OSBPL5: variants seen among roughly 807,000 people sequenced by gnomAD.
OSBPL5 encodes the protein oxysterol-binding protein-related protein 5.
Under a neutral mutation model 111.2 loss-of-function variants are expected in OSBPL5, and 71 were observed. That is an observed-to-expected ratio of 0.64 (90% confidence interval 0.53 to 0.78). OSBPL5 has a LOEUF of 0.78. Ranked by LOEUF, OSBPL5 falls within the 30% of genes least tolerant of loss-of-function variation. The pLI, the probability that OSBPL5 is intolerant of heterozygous loss-of-function variation, is 0.00. For missense variants in OSBPL5, 1,210 were observed against 1,189.3 expected (o/e 1.02, Z -0.26); for synonymous variants, 549 against 513.9 (o/e 1.07, Z -0.93).
At chr11:3,096,616 C>A (rs77753180) in intron 14 of OSBPL5, among the ~76,000 whole-genome samples, 153 of 136,494 alleles carry the variant, frequency 1.1e-3, no homozygotes, top group Middle Eastern at 3.6e-3. Flanking sequence ...AAGACTCTGT[C>A]AAAAAAAAAA....
Position 3,141,600 on chromosome 11 carries a change from G to T in OSBPL5, c.-21-12431C>A, listed in dbSNP as rs542709543. Among the ~76,000 whole-genome samples the T allele has an allele frequency of 2.8e-4, 43 of 152,334 alleles. No individual in the cohort carries two copies. The East Asian group carries it at 7.9e-3, about 28-fold the overall frequency. ...AGTTGCGCAGAGAGGACAGGGAGGGGCTGGATTTTGCTGACCTCCAAGGGG... is the reference window on the plus strand; with the variant it reads ...AGTTGCGCAGAGAGGACAGGGAGGGTCTGGATTTTGCTGACCTCCAAGGGG... On this transcript the variant is annotated intron_variant, in intron 1 of 21. Transcript: ENST00000263650. This position sits in a 1 kb window ranked among gnomAD's most constrained non-coding sequence, Gnocchi z 6.5.
chr11:3,128,767 C>T (rs2134474590), intron 2 of OSBPL5, among the ~76,000 whole-genome samples: 1 of 152,320 alleles, frequency 6.6e-6, no homozygotes, highest in East Asian at 1.9e-4. Context: ...CTCCATAACT[C>T]CCAAAGCCTG....
At chr11:3,143,870 G>A (rs906462619) in intron 1 of OSBPL5, among the ~76,000 whole-genome samples, 5 of 152,234 alleles carry the variant, frequency 3.3e-5, no homozygotes, top group East Asian at 1.9e-4. Flanking sequence ...AGCAGGGCCC[G>A]AGGAAGGCAC....
Position 3,104,978 on chromosome 11 carries a change from T to C in OSBPL5, c.1060-601A>G, listed in dbSNP as rs879567168. Among the ~76,000 whole-genome samples, 1 of 152,164 alleles carries C rather than the reference T, an allele frequency of 6.6e-6. No homozygotes were observed. Among genetic ancestry groups the C allele is most frequent in the African/African-American group, 2.4e-5 (1 of 41,432 alleles). On this transcript the variant is annotated intron_variant, in intron 9 of 21. Coordinates refer to ENST00000263650, the MANE Select transcript of OSBPL5 (RefSeq NM_020896.4). This position sits in a 1 kb window ranked among gnomAD's most constrained non-coding sequence, Gnocchi z 5.0. ...ACTCACCCCTCACTTCCGAAGCCTG[T>C]GTGCCCCTCACGAAGGCCCCCTCAT...
chr11:3,103,737 CCTCT>C (rs1564829723), intron 10 of OSBPL5, among the ~76,000 whole-genome samples: 109 of 76,964 alleles, frequency 1.4e-3, no homozygotes, highest in Middle Eastern at 0.013. Context: ...CCCCTTCCTG[CCTCT>C]GCAACCCTCT....
rs3741352 is a variant in OSBPL5, at chr11:3,107,655, C to G, written c.866+116G>C. On this transcript the variant is annotated intron_variant, in intron 8 of 21. Coordinates refer to ENST00000263650, the MANE Select transcript of OSBPL5 (RefSeq NM_020896.4). The surrounding 1 kb of genome is among the most constrained non-coding windows in gnomAD (Gnocchi z 6.1). Reference sequence around the variant, plus strand: ...AGGGCACACTGCAGCGAACAAGTCCCTGCGTGCAGCCTGCAGCCCACCAGA... The same window carrying G: ...AGGGCACACTGCAGCGAACAAGTCCGTGCGTGCAGCCTGCAGCCCACCAGA... The G allele has an allele frequency of 1.4e-3, 1,976 of 1,447,724 alleles. 45 individuals are homozygous for G. In the East Asian group the frequency reaches 0.039, roughly 28 times the overall value. 89.7% of individuals were successfully genotyped at this position (1,447,724 alleles called of 1,614,324 possible). A position where few individuals can be genotyped will look rare whatever the true frequency, so the allele number is the denominator to read the frequency against.
intron 3 of OSBPL5, among the ~76,000 whole-genome samples, chr11:3,123,917 C>T (rs1469210716): frequency 2.0e-5 from 3 of 152,168 alleles, no homozygotes; most frequent in African/African-American, 7.2e-5. Flanking sequence ...CACGGACTGG[C>T]GGTCCTGGCA....
At chr11:3,145,032 T>TG (rs1396650371) in intron 1 of OSBPL5, among the ~76,000 whole-genome samples, 2 of 152,222 alleles carry the variant, frequency 1.3e-5, no homozygotes, top group African/African-American at 4.8e-5. Context: ...CGGAGGCCTT[T>TG]GGGGGGCAGC....
chr11:3,089,632 T>C (rs906244453), intron 21 of OSBPL5, among the ~76,000 whole-genome samples: 1 of 152,170 alleles, frequency 6.6e-6, no homozygotes, highest in Non-Finnish European at 1.5e-5. Context: ...CCAACTTGGC[T>C]GGTTGATCAT....
intron 1 of OSBPL5, among the ~76,000 whole-genome samples, chr11:3,143,865 G>GTCATA (rs1846236659): frequency 6.6e-6 from 1 of 152,356 alleles, no homozygotes; most frequent in East Asian, 1.9e-4. Flanking sequence ...AGCTGAGCAG[G>GTCATA]GCCCGAGGAA....
chr11:3,139,282 C>T (rs948932482), intron 1 of OSBPL5, among the ~76,000 whole-genome samples: 20 of 150,468 alleles, frequency 1.3e-4, no homozygotes, highest in Admixed American at 8.6e-4. Flanking sequence ...GGAGGCTGTG[C>T]GGGACGGGTG....
chr11:3,138,813 G>A (rs1370358471), intron 1 of OSBPL5, among the ~76,000 whole-genome samples: 1 of 152,256 alleles, frequency 6.6e-6, no homozygotes, highest in Non-Finnish European at 1.5e-5. Context: ...GGCTGTGGCC[G>A]CCTAGGGACA....
chr11:3,088,049 G>A lies in OSBPL5; in HGVS notation c.*156C>T, dbSNP rs11553374. 0.23 allele frequency: 147,144 copies of A among 626,666 alleles called. 18,513 individuals carry two copies. The highest frequency in any genetic ancestry group is 0.3 in the African/African-American group (15,940 of 52,352). 38.8% of individuals were successfully genotyped at this position (626,666 alleles called of 1,614,324 possible). On this transcript the variant is annotated 3_prime_UTR_variant, in exon 22 of 22. Transcript: ENST00000263650. The stretch of plus-strand genomic sequence containing the variant: ...AGAGGGGCCCAGCACACCTGGGCCC[G>A]CAGCGCCTTGTGGCCCCGGGTCCCT...
At chr11:3,145,256 C>T (rs924465646) in intron 1 of OSBPL5, among the ~76,000 whole-genome samples, 1 of 152,224 alleles carries the variant, frequency 6.6e-6, no homozygotes, top group African/African-American at 2.4e-5. Context: ...CTTGATGAAC[C>T]TCCCCCAGGG....
intron 14 of OSBPL5, among the ~76,000 whole-genome samples, chr11:3,098,405 G>A (rs1425793974): frequency 2.7e-5 from 4 of 149,396 alleles, no homozygotes; most frequent in Non-Finnish European, 4.4e-5. Flanking sequence ...CGAAACCTCA[G>A]GTTCAAATAA....
rs1278982646 is a variant in OSBPL5 at position 3,162,919 on chromosome 11, G to A, written c.-22+2297C>T. On this transcript the variant is annotated intron_variant, in intron 1 of 21. Transcript: ENST00000263650. This position sits in a 1 kb window ranked among gnomAD's most constrained non-coding sequence, Gnocchi z 8.1. ...CCAACATCTACCCCCCAGCACACTG[G>A]TGCACTCCCTGGGCTCCCCTGCCAA... Among the ~76,000 whole-genome samples, 2 of 151,794 alleles carry A rather than the reference G, an allele frequency of 1.3e-5. No homozygotes were observed. Among genetic ancestry groups the A allele is most frequent in the African/African-American group, 2.4e-5 (1 of 41,276 alleles).
chr11:3,088,358 G>A lies in OSBPL5; in HGVS notation c.2502-15C>T, dbSNP rs764150364. The A allele has an allele frequency of 4.6e-6, 7 of 1,538,124 alleles. No individual in the cohort carries two copies. Among genetic ancestry groups the A allele is most frequent in the East Asian group, 2.3e-5 (1 of 42,562 alleles). ...CCGAGAGGTGCCTGCAAGGACAGGCGACAGATCGTGGGGGCTGTGCCAATG... is the reference window on the plus strand; with the variant it reads ...CCGAGAGGTGCCTGCAAGGACAGGCAACAGATCGTGGGGGCTGTGCCAATG... On this transcript the variant is annotated splice_polypyrimidine_tract_variant and intron_variant, in intron 21 of 21. Coordinates refer to ENST00000263650, the MANE Select transcript of OSBPL5 (RefSeq NM_020896.4).
chr11:3,114,423 A>G (rs1484235061), intron 7 of OSBPL5, among the ~76,000 whole-genome samples: 1 of 152,078 alleles, frequency 6.6e-6, no homozygotes, highest in African/African-American at 2.4e-5. Context: ...AGAAAGTCCA[A>G]GCGTGGCATG....
chr11:3,092,372 G>A lies in OSBPL5; in HGVS notation c.2259+60C>T. 6.6e-7 allele frequency: 1 copy of A among 1,505,300 alleles called. No homozygotes were observed. The highest frequency in any genetic ancestry group is 1.3e-5 in the South Asian group (1 of 78,264). The allele number at this position is 1,505,300 out of a possible 1,614,324, so 93.2% of individuals were successfully genotyped here. The stretch of plus-strand genomic sequence containing the variant: ...GGAGGAGTGAGGTGAGGAGCGAGGG[G>A]TGGTGGTGGCCACACGTGCAGCTAA... On this transcript the variant is annotated intron_variant, in intron 19 of 21. Transcript: ENST00000263650. This position sits in a 1 kb window ranked among gnomAD's most constrained non-coding sequence, Gnocchi z 5.4.
Sources: gnomAD v4.1 joint callset for allele counts (sites outside exome capture counted in the v4.1 genomes callset) on GRCh38, gnomAD v4.1.1 for gene constraint, Gnocchi (gnomAD v3.1) non-coding constraint, MANE v1.5 for transcripts, NCBI Gene and HGNC (gene_info 2026-07-23, HGNC 2026-07-21) for gene names.